The following ZFYVE9 variants were observed in gnomAD, a reference collection of about 807,000 sequenced individuals.
ZFYVE9 encodes zinc finger FYVE domain-containing protein 9.
Under a neutral mutation model 126.7 loss-of-function variants are expected in ZFYVE9, and 43 were observed. The ratio of observed to expected loss-of-function variants is 0.34; its 90% CI spans 0.27 to 0.44. The LOEUF is 0.44. Among genes scored for constraint, ZFYVE9 ranks in the 20% least tolerant of loss-of-function variants. The pLI, the probability that ZFYVE9 is intolerant of heterozygous loss-of-function variation, is 1.00. For synonymous variants in ZFYVE9, 521 were observed against 597.4 expected, an observed-to-expected ratio of 0.87 and a Z score of 1.87; for missense variants, 1,476 against 1,697.0, an observed-to-expected ratio of 0.87 and a Z score of 2.29.
chr1:52,266,406 A>T (rs12756622), intron 5 of ZFYVE9, among the ~76,000 whole-genome samples: 1,645 of 13,824 alleles, frequency 0.12, 64 homozygotes, highest in East Asian at 0.35. Flanking sequence ...CTAATTCTTT[A>T]AAAAAAAAAA....
chr1:52,301,723 A>G (rs949971420), intron 12 of ZFYVE9, among the ~76,000 whole-genome samples: 2 of 152,148 alleles, frequency 1.3e-5, no homozygotes, highest in African/African-American at 2.4e-5. Flanking sequence ...TTTTGAATCT[A>G]TGGGTTTATA....
In ZFYVE9 at chr1:52,242,031, CTT is replaced by C. The variant is rs975430437; in HGVS notation, c.2178+2458_2178+2459del. The stretch of plus-strand genomic sequence containing the variant: ...TTGGAATTTATGATGTCATGGCAAT[CTT>C]TTTTTTTTTTTTTTTTTTTTTGAGA... On this transcript the variant is annotated intron_variant, in intron 4 of 18. Coordinates refer to ENST00000287727, the MANE Select transcript of ZFYVE9 (RefSeq NM_004799.4). Among the ~76,000 whole-genome samples the C allele has an allele frequency of 3.1e-4, 33 of 106,438 alleles. No homozygotes were observed. The East Asian group carries it at 4.7e-3, about 15-fold the overall frequency. 69.8% of individuals were successfully genotyped at this position (106,438 alleles called of 152,430 possible).
At chr1:52,229,510 G>A (rs920895919) in intron 2 of ZFYVE9, among the ~76,000 whole-genome samples, 4 of 152,214 alleles carry the variant, frequency 2.6e-5, no homozygotes, top group African/African-American at 9.6e-5. Context: ...TAATAGTTTA[G>A]CATCCATTTT....
At chr1:52,260,041 TG>T (rs750112220) in intron 4 of ZFYVE9, among the ~76,000 whole-genome samples, 72 of 90,408 alleles carry the variant, frequency 8.0e-4, no homozygotes, top group Admixed American at 1.3e-3. Flanking sequence ...TTTGCACATG[TG>T]GATGTTTTCA....
At chr1:52,206,954 C>G (rs1361485698) in intron 1 of ZFYVE9, among the ~76,000 whole-genome samples, 1 of 152,190 alleles carries the variant, frequency 6.6e-6, no homozygotes, top group African/African-American at 2.4e-5. Context: ...TGTGTGTACA[C>G]ACACAGAGAG....
At chr1:52,283,937 T>A (rs1458090638) in intron 10 of ZFYVE9, among the ~76,000 whole-genome samples, 1 of 152,194 alleles carries the variant, frequency 6.6e-6, no homozygotes, top group Non-Finnish European at 1.5e-5. Flanking sequence ...GGATTTAAAT[T>A]AAATAATTGC....
At chr1:52,299,546 T>C (rs1646012498) in intron 12 of ZFYVE9, among the ~76,000 whole-genome samples, 1 of 152,222 alleles carries the variant, frequency 6.6e-6, no homozygotes, top group African/African-American at 2.4e-5. Flanking sequence ...TTGTCACATA[T>C]GGCCTTTATT....
chr1:52,334,333 A>C (rs1448145540), intron 14 of ZFYVE9, among the ~76,000 whole-genome samples: 1 of 152,204 alleles, frequency 6.6e-6, no homozygotes, highest in Non-Finnish European at 1.5e-5. Context: ...ATGAATGGAC[A>C]TGGCTGTGTT....
At chr1:52,271,805 A>C (rs1210827672) in intron 7 of ZFYVE9, among the ~76,000 whole-genome samples, 2 of 152,182 alleles carry the variant, frequency 1.3e-5, no homozygotes, top group South Asian at 2.1e-4. Flanking sequence ...GTAGAGACAG[A>C]AGTATGGCAA....
intron 1 of ZFYVE9, among the ~76,000 whole-genome samples, chr1:52,161,748 T>C (rs1189541824): frequency 6.6e-6 from 1 of 152,186 alleles, no homozygotes; most frequent in African/African-American, 2.4e-5. Flanking sequence ...TGCACCTAAC[T>C]ACTTGACTGT....
intron 1 of ZFYVE9, among the ~76,000 whole-genome samples, chr1:52,184,269 G>C (rs1398369519): frequency 6.8e-6 from 1 of 147,356 alleles, no homozygotes; most frequent in Non-Finnish European, 1.5e-5. Flanking sequence ...TTGTTGCCCA[G>C]GCTGGAGTGC....
At chr1:52,288,933 AAAAAAAAAAAAAAG>A (rs1468122345) in intron 10 of ZFYVE9, among the ~76,000 whole-genome samples, 22 of 150,300 alleles carry the variant, frequency 1.5e-4, no homozygotes, top group African/African-American at 5.5e-4. Context: ...CTCAAAAAAA[AAAAAAAAAAAAAAG>A]AAAAAGAAAT....
chr1:52,241,557 T>C (rs921567643), intron 4 of ZFYVE9, among the ~76,000 whole-genome samples: 3 of 152,184 alleles, frequency 2.0e-5, no homozygotes, highest in Non-Finnish European at 4.4e-5. Context: ...AATAGGTACC[T>C]TAGATGGATT....
intron 1 of ZFYVE9, among the ~76,000 whole-genome samples, chr1:52,196,018 T>G (rs1049995477): frequency 1.2e-4 from 18 of 152,196 alleles, no homozygotes; most frequent in African/African-American, 3.1e-4. Context: ...GGTCTCGAAC[T>G]CCTGACCTCG....
chr1:52,314,769 A>C (rs1646167825), intron 13 of ZFYVE9, among the ~76,000 whole-genome samples: 1 of 151,796 alleles, frequency 6.6e-6, no homozygotes, highest in Admixed American at 6.6e-5. Flanking sequence ...CCGAGATTGC[A>C]CCACTGCACT....
chr1:52,272,298 T>C lies in ZFYVE9; in HGVS notation c.2626-2166T>C, dbSNP rs906871627. On this transcript the variant is annotated intron_variant, in intron 7 of 18. Transcript: ENST00000287727. ...CACACACAAACACACACACATAAAATATGTAAGCACCATTCAGGTGAAGAT... is the reference window on the plus strand; with the variant it reads ...CACACACAAACACACACACATAAAACATGTAAGCACCATTCAGGTGAAGAT... Among the ~76,000 whole-genome samples, 6 of 152,224 alleles carry C rather than the reference T, an allele frequency of 3.9e-5. No individual in the cohort carries two copies. The South Asian group carries it at 1.2e-3, about 31-fold the overall frequency.
chr1:52,180,225 A>C, intron 1 of ZFYVE9: 1 of 1,603,206 alleles, frequency 6.2e-7, no homozygotes, highest in Non-Finnish European at 8.5e-7. Flanking sequence ...TGCCCTGATA[A>C]ATCAGCACCT....
chr1:52,249,826 T>C (rs1161066937), intron 4 of ZFYVE9, among the ~76,000 whole-genome samples: 1 of 152,202 alleles, frequency 6.6e-6, no homozygotes, highest in Admixed American at 6.5e-5. Flanking sequence ...TTTTATTCTT[T>C]TGAATGTGGA....
chr1:52,297,477 G>A (rs1384562533), intron 12 of ZFYVE9, among the ~76,000 whole-genome samples: 1 of 151,854 alleles, frequency 6.6e-6, no homozygotes, highest in East Asian at 1.9e-4. Flanking sequence ...GACCTCAGGT[G>A]ATCCACCCAT....
Sources: gnomAD v4.1 joint callset for allele counts (sites outside exome capture counted in the v4.1 genomes callset) on GRCh38, gnomAD v4.1.1 for gene constraint, MANE v1.5 for transcripts, NCBI Gene and HGNC (gene_info 2026-07-23, HGNC 2026-07-21) for gene names.